UGT3A1: variants seen among roughly 807,000 people sequenced by gnomAD.
UGT3A1 encodes UDP glycosyltransferase family 3 member A1.
A neutral mutation model predicts 37.6 loss-of-function variants in UGT3A1; 40 were observed. The ratio of observed to expected loss-of-function variants is 1.06; its 90% CI spans 0.83 to 1.38. The LOEUF is 1.38. UGT3A1 is among the 40% of genes most tolerant of loss of function. UGT3A1 has a pLI of 0.00. For synonymous variants in UGT3A1, 256 were observed against 232.3 expected, an observed-to-expected ratio of 1.10 and a Z score of -0.93; for missense variants, 642 against 634.2, an observed-to-expected ratio of 1.01 and a Z score of -0.13.
chr5:35,971,633 C>T (rs1236832648), intron 2 of UGT3A1, among the ~76,000 whole-genome samples: 1 of 152,128 alleles, frequency 6.6e-6, no homozygotes, highest in Non-Finnish European at 1.5e-5. Context: ...TTTACTCAAC[C>T]AACCCTGAGA....
intron 4 of UGT3A1, 96 bp downstream of exon 4, chr5:35,965,290 C>G: frequency 4.9e-5 from 73 of 1,493,134 alleles, no homozygotes; most frequent in Non-Finnish European, 5.8e-5. Context: ...CCAATCCCTA[C>G]TTCAACCTCA....
In UGT3A1 at chr5:35,958,073, T is replaced by G. The variant is rs189330767; in HGVS notation, c.844-654A>C. Among the ~76,000 whole-genome samples the G allele has an allele frequency of 2.7e-3, 406 of 152,272 alleles. 2 individuals carry two copies. Among genetic ancestry groups the G allele is most frequent in the African/African-American group, 9.3e-3 (387 of 41,568 alleles). ...CTGTTGTTTGGTGCATATATATTTA[T>G]AGCTCTTATATATTGTTGATGATAT... is the stretch of plus-strand genomic sequence containing the variant. On this transcript the variant is annotated intron_variant, in intron 4 of 6. Transcript: ENST00000274278.
intron 2 of UGT3A1, 68 bp downstream of exon 2, chr5:35,988,382 A>G (rs1009432811): frequency 8.4e-7 from 1 of 1,194,666 alleles, no homozygotes; most frequent in African/African-American, 1.6e-5. Context: ...ATGCAGCTGT[A>G]TAAAAAATAT....
At chr5:35,960,708 G>C (rs909435152) in intron 4 of UGT3A1, 4 of 152,214 alleles carry the variant, frequency 2.6e-5, no homozygotes, top group African/African-American at 7.2e-5. Context: ...TTGGTACCCA[G>C]GTTCTTGTCT....
chr5:35,954,771 T>A, intron 6 of UGT3A1: 1 of 408,802 alleles, frequency 2.4e-6, no homozygotes, highest in Non-Finnish European at 4.4e-6. Flanking sequence ...ATGCTTATGG[T>A]ATACTAAAGG....
chr5:35,956,199 T>C (rs1010619920), intron 5 of UGT3A1, among the ~76,000 whole-genome samples: 2 of 152,252 alleles, frequency 1.3e-5, no homozygotes, highest in Non-Finnish European at 2.9e-5. Flanking sequence ...TGCTCTCTGT[T>C]GCTTCATAGT....
At chr5:35,959,101 G>A (rs944353384) in intron 4 of UGT3A1, among the ~76,000 whole-genome samples, 1 of 152,180 alleles carries the variant, frequency 6.6e-6, no homozygotes, top group African/African-American at 2.4e-5. Flanking sequence ...AAACAGTTGA[G>A]CATACAGAGG....
At chr5:35,997,431 ATT>A (rs150097356) in intron 1 of UGT3A1, 50,581 of 148,846 alleles carry the variant, frequency 0.34, 9,949 homozygotes, top group Non-Finnish European at 0.45. Flanking sequence ...AGAGGATTTA[ATT>A]TTTTTTTTTT....
intron 6 of UGT3A1, 172 bp downstream of exon 6, chr5:35,955,473 T>C: frequency 1.4e-6 from 1 of 726,532 alleles, no homozygotes; most frequent in Non-Finnish European, 2.3e-6. Context: ...CTAACCTAAA[T>C]TAGTCTTCCT....
chr5:35,970,222 C>T (rs1739981039), intron 2 of UGT3A1, among the ~76,000 whole-genome samples: 1 of 152,108 alleles, frequency 6.6e-6, no homozygotes, highest in African/African-American at 2.4e-5. Context: ...AACCCCATCT[C>T]TACTAAAAAT....
At chr5:35,965,135 C>A (rs1324883496) in intron 4 of UGT3A1, among the ~76,000 whole-genome samples, 1 of 152,144 alleles carries the variant, frequency 6.6e-6, no homozygotes, top group Non-Finnish European at 1.5e-5. Context: ...GGGCTCATCC[C>A]ACTGATTCTA....
chr5:35,986,717 A>C (rs939840280), intron 2 of UGT3A1, among the ~76,000 whole-genome samples: 1 of 152,158 alleles, frequency 6.6e-6, no homozygotes, highest in Non-Finnish European at 1.5e-5. Context: ...TAATGAGTAC[A>C]TATCTATAGC....
At position 35,957,309 on chromosome 5, in the gene UGT3A1, A is replaced by G; in HGVS notation, c.954T>C (p.Asn318=). 3.1e-6 allele frequency: 5 copies of G among 1,614,186 alleles called. No homozygotes were observed. Among genetic ancestry groups the G allele is most frequent in the Non-Finnish European group, 4.2e-6 (5 of 1,180,030 alleles). Residue 318 remains asparagine (N), a synonymous_variant, in exon 5 of 7, where the codon AAT becomes AAC. Transcript: ENST00000274278. The stretch of plus-strand genomic sequence containing the variant: ...CTCCTTGAGGGAGGTGGGCAAAGGC[A>G]TTGTGCATCTTCTTGAGGACTTCCT... ...QSQEVLKKMH[N]AFAHLPQGVI... is the part of the protein sequence containing the mutation.
chr5:35,954,195 C>G lies in UGT3A1; in HGVS notation c.*7G>C, dbSNP rs764027392. The G allele has an allele frequency of 7.4e-6, 12 of 1,613,190 alleles. No homozygotes were observed. Among genetic ancestry groups the G allele is most frequent in the Non-Finnish European group, 1.0e-5 (12 of 1,179,586 alleles). The stretch of plus-strand genomic sequence containing the variant: ...TGCCCTCCCCTCACCCAAGGCTACA[C>G]CTAGCCTCATGTCTTCTTCACCTTC... On this transcript the variant is annotated 3_prime_UTR_variant, in exon 7 of 7. Coordinates refer to ENST00000274278, the MANE Select transcript of UGT3A1 (RefSeq NM_152404.4).
chr5:35,972,325 T>A (rs1345842443), intron 2 of UGT3A1, among the ~76,000 whole-genome samples: 1 of 151,802 alleles, frequency 6.6e-6, no homozygotes, highest in East Asian at 1.9e-4. Context: ...AGTTGAGAGG[T>A]TTTAAAAACA....
In UGT3A1 at chr5:36,000,559, G is replaced by A. The variant is rs191019788; in HGVS notation, c.-160+409C>T. ...TCATCTTAGAAAGGCACAACCTCCT[G>A]AGTGGACTGTAACTCCCAACAAAGA... is the stretch of plus-strand genomic sequence containing the variant. On this transcript the variant is annotated intron_variant, in intron 1 of 5. Coordinates refer to the UGT3A1 transcript ENST00000625798. 6.9e-4 allele frequency among the ~76,000 whole-genome samples: 105 copies of A among 152,268 alleles called. 1 individual carries two copies. The highest frequency in any genetic ancestry group is 1.2e-3 in the Non-Finnish European group (85 of 68,014).
intron 2 of UGT3A1, among the ~76,000 whole-genome samples, chr5:35,972,224 A>G (rs1353665608): frequency 1.3e-5 from 2 of 152,186 alleles, no homozygotes; most frequent in Non-Finnish European, 2.9e-5. Flanking sequence ...TGTTGATATG[A>G]AAATATTTTA....
chr5:35,996,082 C>A (rs1741089310), upstream of UGT3A1, among the ~76,000 whole-genome samples: 2 of 150,402 alleles, frequency 1.3e-5, no homozygotes, highest in South Asian at 4.2e-4. Context: ...ACAGCTAAAG[C>A]AATTAACTTC....
At chr5:35,971,731 A>G (rs1178562194) in intron 2 of UGT3A1, among the ~76,000 whole-genome samples, 1 of 152,084 alleles carries the variant, frequency 6.6e-6, no homozygotes, top group Non-Finnish European at 1.5e-5. Flanking sequence ...CCCAGCTCTC[A>G]GCCAGAGAGG....
Sources: allele counts gnomAD v4.1 joint callset (sites outside exome capture counted in the v4.1 genomes callset), GRCh38; gene constraint gnomAD v4.1.1; transcripts MANE v1.5; gene names NCBI Gene and HGNC (gene_info 2026-07-23, HGNC 2026-07-21).